The following NRXN1 variants were observed in gnomAD, a reference collection of about 807,000 sequenced individuals.
NRXN1 encodes the protein neurexin-1.
In NRXN1, 39 loss-of-function variants were observed where a neutral mutation model predicts 150.9. That is an observed-to-expected ratio of 0.26 (90% CI 0.20 to 0.34). The LOEUF (loss-of-function observed/expected upper bound fraction) is 0.34. Ranked by LOEUF, NRXN1 falls within the 10% of genes least tolerant of loss-of-function variation. The pLI is 1.00. For synonymous variants in NRXN1, 924 were observed against 757.0 expected (o/e 1.22, Z -3.62); for missense variants, 1,815 against 1,949.9 (o/e 0.93, Z 1.30).
intron 17 of NRXN1, among the ~76,000 whole-genome samples, chr2:50,324,447 A>C (rs1299508927): frequency 6.6e-6 from 1 of 152,230 alleles, no homozygotes; most frequent in African/African-American, 2.4e-5. Context: ...ACTTGCAGGA[A>C]CTTCTATCAG....
chr2:50,136,247 C>G (rs1290466807), intron 18 of NRXN1, among the ~76,000 whole-genome samples: 8 of 151,748 alleles, frequency 5.3e-5, no homozygotes, highest in African/African-American at 1.9e-4. Flanking sequence ...CTGACTTACG[C>G]CAAGAGAAAA....
intron 8 of NRXN1, among the ~76,000 whole-genome samples, chr2:50,560,333 C>A (rs1668866360): frequency 6.6e-6 from 1 of 152,106 alleles, no homozygotes; most frequent in Non-Finnish European, 1.5e-5. Flanking sequence ...CAGTACAGTA[C>A]CTACAACTGT....
chr2:50,384,523 A>ATT, intron 17 of NRXN1, among the ~76,000 whole-genome samples: 1 of 141,946 alleles, frequency 7.0e-6, no homozygotes, highest in African/African-American at 2.7e-5. Flanking sequence ...AAAAAAAAAA[A>ATT]AAAAAAAAAA....
At chr2:50,479,029 C>T (rs1378009956) in intron 15 of NRXN1, among the ~76,000 whole-genome samples, 1 of 152,188 alleles carries the variant, frequency 6.6e-6, no homozygotes, top group Admixed American at 6.5e-5. Context: ...CTCAGTCACT[C>T]CACTGTGTTC....
chr2:50,967,223 G>T (rs1249102215), intron 2 of NRXN1, among the ~76,000 whole-genome samples: 1 of 151,864 alleles, frequency 6.6e-6, no homozygotes, highest in African/African-American at 2.4e-5. Flanking sequence ...GACATAAAAA[G>T]ACATAAAACA....
At chr2:49,974,766 T>C (rs936714576) in intron 21 of NRXN1, among the ~76,000 whole-genome samples, 1 of 151,746 alleles carries the variant, frequency 6.6e-6, no homozygotes, top group African/African-American at 2.4e-5. Flanking sequence ...TTTTTTTTTT[T>C]TGGCCAATTA....
intron 17 of NRXN1, among the ~76,000 whole-genome samples, chr2:50,261,689 A>G (rs2068301203): frequency 6.6e-6 from 1 of 151,956 alleles, no homozygotes; most frequent in South Asian, 2.1e-4. Flanking sequence ...ATATGTTAAC[A>G]ATATAGAAAT....
chr2:50,903,565 C>T (rs574513733), intron 5 of NRXN1, among the ~76,000 whole-genome samples: 5 of 152,170 alleles, frequency 3.3e-5, no homozygotes, highest in Admixed American at 2.0e-4. Context: ...ATCATAGCCC[C>T]ACCCCCACAA....
intron 15 of NRXN1, among the ~76,000 whole-genome samples, chr2:50,488,581 G>A (rs2091038452): frequency 6.6e-6 from 1 of 152,112 alleles, no homozygotes; most frequent in Admixed American, 6.5e-5. Context: ...CGCCTTTTAT[G>A]GAGCCCAGCA....
chr2:50,844,022 C>T (rs1658312016), intron 5 of NRXN1, among the ~76,000 whole-genome samples: 1 of 152,168 alleles, frequency 6.6e-6, no homozygotes, highest in South Asian at 2.1e-4. Context: ...TAGGTGGTCA[C>T]TCTCACTGAA....
chr2:49,919,524 G>A lies in NRXN1; in HGVS notation c.*2420C>T, dbSNP rs1052595536. On this transcript the variant is annotated 3_prime_UTR_variant, in exon 23 of 23. Coordinates refer to ENST00000401669, the MANE Select transcript of NRXN1 (RefSeq NM_001330078.2). ...TTAGAATCTTTCCAGATGGAAACTG[G>A]TTCAAGCTTAATAGATAAAATAGAA... is the stretch of plus-strand genomic sequence containing the variant. The A allele has an allele frequency of 2.0e-5, 3 of 151,092 alleles. No individual in the cohort carries two copies. Among genetic ancestry groups the A allele is most frequent in the African/African-American group, 7.3e-5 (3 of 41,132 alleles). The allele number at this position is 151,092 out of a possible 1,614,324, so 9.4% of individuals were successfully genotyped here. A position where few individuals can be genotyped will look rare whatever the true frequency, so the allele number is the denominator to read the frequency against.
intron 18 of NRXN1, among the ~76,000 whole-genome samples, chr2:50,123,818 T>G (rs1704199964): frequency 6.6e-6 from 1 of 152,176 alleles, no homozygotes; most frequent in South Asian, 2.1e-4. Context: ...ACAGGCAGTA[T>G]GAATTGCTAT....
Position 51,028,667 on chromosome 2 carries a change from A to C in NRXN1, c.-394T>G. 5.8e-6 allele frequency: 1 copy of C among 173,868 alleles called. No individual in the cohort carries two copies. The allele number at this position is 173,868 out of a possible 1,614,324, so 10.8% of individuals were successfully genotyped here. A position where few individuals can be genotyped will look rare whatever the true frequency, so the allele number is the denominator to read the frequency against. On this transcript the variant is annotated 5_prime_UTR_variant, in exon 2 of 23. Coordinates refer to ENST00000401669, the MANE Select transcript of NRXN1 (RefSeq NM_001330078.2). ...TGTCAACAGATACTTAACTCCTCAA[A>C]TCCCATTATCTGCCAGGTTCCACCA...
intron 18 of NRXN1, among the ~76,000 whole-genome samples, chr2:50,143,830 T>A (rs1707620191): frequency 6.6e-6 from 1 of 151,886 alleles, no homozygotes; most frequent in African/African-American, 2.4e-5. Context: ...AATTGCTCAG[T>A]GATTTTTTAA....
intron 8 of NRXN1, among the ~76,000 whole-genome samples, chr2:50,554,830 A>T (rs981678183): frequency 1.3e-5 from 2 of 152,210 alleles, no homozygotes; most frequent in Non-Finnish European, 2.9e-5. Context: ...GGATTATAAT[A>T]AAGAACATGA....
intron 5 of NRXN1, chr2:50,918,686 C>T (rs1396321662): frequency 5.8e-6 from 2 of 346,932 alleles, no homozygotes; most frequent in South Asian, 2.9e-4. Flanking sequence ...AATGAAGTGA[C>T]CAGTTACACA....
intron 21 of NRXN1, among the ~76,000 whole-genome samples, chr2:50,018,277 T>A (rs10197483): frequency 0.55 from 83,479 of 151,904 alleles, 23,410 homozygotes; most frequent in East Asian, 0.63. Flanking sequence ...TATTTTTCTT[T>A]GTCTTGACAT....
chr2:50,819,003 C>T (rs543720298), intron 5 of NRXN1, among the ~76,000 whole-genome samples: 1 of 152,096 alleles, frequency 6.6e-6, no homozygotes, highest in African/African-American at 2.4e-5. Flanking sequence ...GTTACGATGG[C>T]CATAACCAAA....
intron 5 of NRXN1, among the ~76,000 whole-genome samples, chr2:50,813,206 T>C (rs1003677969): frequency 6.6e-6 from 1 of 151,938 alleles, no homozygotes; most frequent in Non-Finnish European, 1.5e-5. Context: ...AAAAAAAAGA[T>C]ATTAATGGCT....
Sources: gnomAD v4.1 joint callset for allele counts (sites outside exome capture counted in the v4.1 genomes callset) on GRCh38, gnomAD v4.1.1 for gene constraint, MANE v1.5 for transcripts, NCBI Gene and HGNC (gene_info 2026-07-23, HGNC 2026-07-21) for gene names.